The following DMD variants were observed in gnomAD, a reference collection of about 807,000 sequenced individuals.
The protein encoded by DMD is dystrophin.
In DMD, 63 loss-of-function variants were observed where a neutral mutation model predicts 330.1. The ratio of observed to expected loss-of-function variants is 0.19; its 90% CI spans 0.16 to 0.24. DMD has a LOEUF of 0.24. Ranked by LOEUF, DMD falls within the 10% of genes least tolerant of loss-of-function variation. The pLI is 1.00. For synonymous variants in DMD, 1,223 were observed against 959.8 expected (o/e 1.27, Z -5.07); for missense variants, 3,344 against 2,684.1 (o/e 1.25, Z -5.43).
intron 45 of DMD, among the ~76,000 whole-genome samples, chrX:31,943,194 C>T (rs1700340514): frequency 8.9e-6 from 1 of 112,424 alleles, no homozygotes; most frequent in Non-Finnish European, 1.9e-5. Context: ...GTATCTGGCA[C>T]TTTACTCAAG....
chrX:33,283,901 C>G (rs1041183711), intron 1 of DMD, among the ~76,000 whole-genome samples: 7 of 108,218 alleles, frequency 6.5e-5, no homozygotes, highest in Admixed American at 4.0e-4. Flanking sequence ...GCCTGTAGTC[C>G]CAGCTACTCA....
intron 13 of DMD, among the ~76,000 whole-genome samples, chrX:32,593,747 T>C (rs1021947356): frequency 6.2e-5 from 7 of 112,541 alleles, no homozygotes. Flanking sequence ...GGTAATGACC[T>C]CTAAAACTGA....
intron 37 of DMD, among the ~76,000 whole-genome samples, chrX:32,361,987 G>C (rs1249834012): frequency 9.0e-6 from 1 of 111,055 alleles, no homozygotes; most frequent in Non-Finnish European, 1.9e-5. Flanking sequence ...TCTTCCCAAA[G>C]AGCTGAAATT....
chrX:31,795,019 C>T (rs1418609552), intron 50 of DMD, among the ~76,000 whole-genome samples: 1 of 111,909 alleles, frequency 8.9e-6, no homozygotes, highest in East Asian at 2.8e-4. Context: ...TACCTTTGGG[C>T]CCAGTGTCAC....
intron 60 of DMD, among the ~76,000 whole-genome samples, chrX:31,373,906 T>A (rs1410534250): frequency 9.2e-6 from 1 of 109,100 alleles, no homozygotes; most frequent in African/African-American, 3.4e-5. Context: ...GGAGAAAAAT[T>A]TTCGCAACCT....
At chrX:32,861,197 A>G (rs2082049160) in intron 2 of DMD, among the ~76,000 whole-genome samples, 1 of 112,229 alleles carries the variant, frequency 8.9e-6, no homozygotes, top group Admixed American at 9.5e-5. Flanking sequence ...TGTAAGATAT[A>G]TTCTGTAAGT....
chrX:32,108,609 G>A lies in DMD; in HGVS notation c.6438+108307C>T, dbSNP rs535033617. 2.7e-5 allele frequency among the ~76,000 whole-genome samples: 3 copies of A among 111,656 alleles called. 1 individual carries two copies. The highest frequency in any genetic ancestry group is 9.7e-5 in the African/African-American group (3 of 30,863). On this transcript the variant is annotated intron_variant, in intron 44 of 78. Coordinates refer to ENST00000357033, the MANE Select transcript of DMD (RefSeq NM_004006.3). Reference sequence around the variant, plus strand: ...CAAAAAGAAAGGAGGCCATTTTCATGGAACCAAGGAAAACTATATTCAAAG... The same window carrying A: ...CAAAAAGAAAGGAGGCCATTTTCATAGAACCAAGGAAAACTATATTCAAAG...
chrX:32,873,016 T>C (rs2083115896), intron 2 of DMD, among the ~76,000 whole-genome samples: 1 of 111,759 alleles, frequency 8.9e-6, no homozygotes, highest in Admixed American at 9.5e-5. Flanking sequence ...AATCTCCTTC[T>C]CTCACTCACT....
chrX:32,173,458 C>T (rs898630427), intron 44 of DMD, among the ~76,000 whole-genome samples: 2 of 110,726 alleles, frequency 1.8e-5, no homozygotes, highest in Admixed American at 9.6e-5. Context: ...CTGCAACCTC[C>T]GCCTCCCAGG....
At chrX:31,423,424 G>A (rs777739287) in intron 60 of DMD, among the ~76,000 whole-genome samples, 11 of 111,525 alleles carry the variant, frequency 9.9e-5, no homozygotes, top group South Asian at 7.6e-4. Flanking sequence ...TCCTTTGGGC[G>A]CATGAATGAC....
intron 29 of DMD, among the ~76,000 whole-genome samples, chrX:32,437,349 G>A (rs920701525): frequency 8.9e-6 from 1 of 111,874 alleles, no homozygotes; most frequent in African/African-American, 3.3e-5. Context: ...ATAGAGAAGA[G>A]GTTTTCCTAC....
intron 44 of DMD, among the ~76,000 whole-genome samples, chrX:32,105,164 C>G (rs146007748): frequency 9.0e-6 from 1 of 111,607 alleles, no homozygotes; most frequent in Non-Finnish European, 1.9e-5. Flanking sequence ...TCATAACAAC[C>G]AAAAATGCCT....
chrX:31,272,590 A>T (rs2051732091), intron 62 of DMD, among the ~76,000 whole-genome samples: 1 of 112,669 alleles, frequency 8.9e-6, no homozygotes, highest in African/African-American at 3.2e-5. Flanking sequence ...GACTCACAGC[A>T]GGTGAAAACC....
intron 51 of DMD, among the ~76,000 whole-genome samples, chrX:31,763,293 G>T (rs2089753385): frequency 1.8e-5 from 2 of 112,721 alleles, no homozygotes; most frequent in Admixed American, 1.9e-4. Context: ...GCCGGGCACG[G>T]TGGCTCACGC....
chrX:31,890,356 A>C (rs1215568811), intron 47 of DMD, among the ~76,000 whole-genome samples: 2 of 88,859 alleles, frequency 2.3e-5, no homozygotes, highest in Admixed American at 1.4e-4. Flanking sequence ...CAAAAAAAAC[A>C]AAACAAAAAA....
At chrX:31,966,058 A>T (rs913061086) in intron 45 of DMD, among the ~76,000 whole-genome samples, 3 of 111,569 alleles carry the variant, frequency 2.7e-5, no homozygotes, top group Non-Finnish European at 5.7e-5. Flanking sequence ...AAAAATGTTA[A>T]ATATTTCTAA....
chrX:31,845,537 C>G (rs1187423795), intron 48 of DMD, among the ~76,000 whole-genome samples: 4 of 109,824 alleles, frequency 3.6e-5, no homozygotes, highest in African/African-American at 1.3e-4. Context: ...AAGATGATAA[C>G]TCTAGCGGCA....
At chrX:32,452,984 G>C (rs2098340422) in intron 26 of DMD, among the ~76,000 whole-genome samples, 2 of 110,300 alleles carry the variant, frequency 1.8e-5, no homozygotes, top group African/African-American at 6.6e-5. Flanking sequence ...TTTTTAAGTG[G>C]TTGGCTTTTC....
chrX:31,574,146 GTT>G (rs749028855), intron 55 of DMD, among the ~76,000 whole-genome samples: 2 of 75,960 alleles, frequency 2.6e-5, no homozygotes, highest in East Asian at 4.1e-4. Flanking sequence ...TTTTTTTTTT[GTT>G]TTTTTTTTTT....
Sources: allele counts gnomAD v4.1 joint callset (sites outside exome capture counted in the v4.1 genomes callset), GRCh38; gene constraint gnomAD v4.1.1; transcripts MANE v1.5; gene names NCBI Gene and HGNC (gene_info 2026-07-23, HGNC 2026-07-21).